Variants in DCST1 observed in about 807,000 individuals in gnomAD.
DCST1 encodes the protein E3 ubiquitin-protein ligase DCST1.
DCST1 carries 78 observed loss-of-function variants against 89.1 expected under a neutral mutation model. The ratio of observed to expected loss-of-function variants is 0.88; its 90% CI spans 0.73 to 1.06. The LOEUF (loss-of-function observed/expected upper bound fraction) is 1.06. Among genes scored for constraint, DCST1 ranks in the 50% least tolerant of loss-of-function variants. The probability of loss-of-function intolerance (pLI) is 0.00; values close to 1 mark genes in which losing one functional copy is unlikely to be tolerated. For synonymous variants in DCST1, 364 were observed against 371.9 expected (o/e 0.98, Z 0.24); for missense variants, 900 against 928.6 (o/e 0.97, Z 0.40).
At chr1:155,050,309 A>G (rs1444381631) in intron 16 of DCST1, among the ~76,000 whole-genome samples, 1 of 152,250 alleles carries the variant, frequency 6.6e-6, no homozygotes, top group Non-Finnish European at 1.5e-5. Context: ...CAACAGTGAT[A>G]GTCGATCTGG....
intron 16 of DCST1, among the ~76,000 whole-genome samples, chr1:155,049,417 AT>A (rs35719405): frequency 0.09 from 13,214 of 146,166 alleles, 743 homozygotes; most frequent in Non-Finnish European, 0.13. Context: ...ATTGAATTGA[AT>A]TTTTTTTTTT....
chr1:155,047,098 C>G, intron 13 of DCST1, 98 bp from the exon 14 acceptor site: 4 of 950,064 alleles, frequency 4.2e-6, no homozygotes, highest in Non-Finnish European at 6.9e-6. Flanking sequence ...AGCTGAGAAG[C>G]ATTTCTGTGT....
Position 155,046,375 on chromosome 1 carries a change from G to A in DCST1, c.1384G>A (p.Glu462Lys), listed in dbSNP as rs758409544. 1.2e-6 allele frequency: 2 copies of A among 1,614,100 alleles called. No homozygotes were observed. Among genetic ancestry groups the A allele is most frequent in the South Asian group, 2.2e-5 (2 of 91,084 alleles). ...EMSNVVRELL[E>K]TLPILLLLVV... The stretch of plus-strand genomic sequence containing the variant: ...CCTTGGCCAGGTGAGGGAGCTCCTG[G>A]AGACACTGCCCATTCTGCTGCTGCT... Residue 462 changes from glutamate to lysine, a missense_variant, in exon 13 of 17, where the codon GAG becomes AAG. Glu to Lys is a moderately conservative substitution (Grantham distance 56, BLOSUM62 1). Transcript: ENST00000295542.
At chr1:155,042,059 C>G (rs1660455247) in intron 8 of DCST1, among the ~76,000 whole-genome samples, 1 of 152,188 alleles carries the variant, frequency 6.6e-6, no homozygotes, top group Admixed American at 6.5e-5. Flanking sequence ...GGCTTTTCAT[C>G]TGAAAGATGC....
At chr1:155,048,455 C>T (rs560675398) in intron 16 of DCST1, among the ~76,000 whole-genome samples, 3 of 152,328 alleles carry the variant, frequency 2.0e-5, no homozygotes, top group South Asian at 2.1e-4. Context: ...CACGCCATCA[C>T]GCCCAGCTAT....
At chr1:155,042,984 A>C in intron 9 of DCST1, 128 bp downstream of exon 9, 100 of 631,412 alleles carry the variant, frequency 1.6e-4, no homozygotes, top group Middle Eastern at 4.6e-4. Context: ...AGGGAGGGGG[A>C]CAAGGAGGGG....
intron 16 of DCST1, among the ~76,000 whole-genome samples, chr1:155,049,961 A>C (rs1016003397): frequency 2.0e-5 from 3 of 152,218 alleles, no homozygotes; most frequent in Non-Finnish European, 4.4e-5. Flanking sequence ...ACTGGCTCAG[A>C]AGAGACAGCT....
At chr1:155,038,750 G>A (rs1660344169) in intron 4 of DCST1, among the ~76,000 whole-genome samples, 1 of 151,878 alleles carries the variant, frequency 6.6e-6, no homozygotes, top group African/African-American at 2.4e-5. Context: ...CTCCCTCCTT[G>A]GCTCCCACAG....
In DCST1 at chr1:155,046,425, G is replaced by C; in HGVS notation, c.1434G>C (p.Trp478Cys). ...TGGTGGTGCTGTGTGGCTTGGACTG[G>C]GCTCTCTACTCCATCTTCGACACCA... ...LLLVVLCGLD[W>C]ALYSIFDTIR... The change falls in exon 13 of 17, where the codon TGG becomes TGC. Residue 478 changes from tryptophan to cysteine, a missense_variant. By Grantham distance (215) the Trp-to-Cys change is radical. Coordinates refer to ENST00000295542, the MANE Select transcript of DCST1 (RefSeq NM_152494.4). 1 of 1,613,826 alleles carries C rather than the reference G, an allele frequency of 6.2e-7. No individual in the cohort carries two copies. The highest frequency in any genetic ancestry group is 1.3e-5 in the African/African-American group (1 of 74,860).
intron 16 of DCST1, 179 bp from the exon 17 acceptor site, chr1:155,050,438 T>C (rs1011037061): frequency 1.1e-5 from 8 of 741,082 alleles, no homozygotes; most frequent in Middle Eastern, 3.9e-4. Flanking sequence ...CCTCCCATTC[T>C]CCATCACAGA....
chr1:155,040,078 G>A (rs565567368), intron 5 of DCST1, among the ~76,000 whole-genome samples: 19 of 149,594 alleles, frequency 1.3e-4, no homozygotes, highest in Non-Finnish European at 2.1e-4. Context: ...CGAAGCGGGC[G>A]GATCACGAAG....
At chr1:155,048,206 G>T (rs762650087) in intron 16 of DCST1, 36 bp downstream of exon 16, 1 of 1,584,600 alleles carries the variant, frequency 6.3e-7, no homozygotes, top group Non-Finnish European at 8.6e-7. Flanking sequence ...CCAGCTCCTG[G>T]CTGGGTCTAA....
At position 155,041,757 on chromosome 1, in the gene DCST1, C is replaced by T; in HGVS notation, c.792C>T (p.Asp264=). Residue 264 remains aspartate, a synonymous_variant, in exon 8 of 17, where the codon GAC becomes GAT. Transcript: ENST00000295542. ...TACTCAGCTGCCGTCGTTGGTTTGA[C>T]CGCAAGCATGAACAGTGCATGAAGC... ...QAILSCRRWF[D]RKHEQCMKHI... The T allele has an allele frequency of 6.2e-7, 1 of 1,614,230 alleles. No homozygotes were observed. Among genetic ancestry groups the T allele is most frequent in the Non-Finnish European group, 8.5e-7 (1 of 1,180,042 alleles).
chr1:155,045,115 T>C (rs922961661), intron 10 of DCST1: 1 of 152,262 alleles, frequency 6.6e-6, no homozygotes, highest in African/African-American at 2.4e-5. Context: ...CAGTATGTCT[T>C]TGCACTTACA....
chr1:155,049,032 C>A (rs1219826406), intron 16 of DCST1: 1 of 717,276 alleles, frequency 1.4e-6, no homozygotes, highest in Non-Finnish European at 2.6e-6. Context: ...TGAAGAATGG[C>A]AAGACTGGAG....
chr1:155,047,968 GCACACACA>G (rs111941107), intron 15 of DCST1, 39 bp downstream of exon 15: 74 of 1,550,558 alleles, frequency 4.8e-5, no homozygotes, highest in Non-Finnish European at 6.2e-5. Flanking sequence ...CTACACACCT[GCACACACA>G]CACACACACC....
rs1571561976 is a variant in DCST1 at position 155,040,734 on chromosome 1, TGGC to T, written c.531+111_531+113del. ...TACAGTTTCCCAATGGGGATACTACTGGCATTTTTTGCAGAACTATTCCCAAAC... is the reference window on the plus strand; with the variant it reads ...TACAGTTTCCCAATGGGGATACTACTATTTTTTGCAGAACTATTCCCAAAC... On this transcript the variant is annotated intron_variant, in intron 6 of 16. Coordinates refer to ENST00000295542, the MANE Select transcript of DCST1 (RefSeq NM_152494.4). The T allele has an allele frequency of 1.8e-5, 25 of 1,423,292 alleles. No homozygotes were observed. The East Asian group carries it at 6.1e-4, about 34-fold the overall frequency. 88.2% of individuals were successfully genotyped at this position (1,423,292 alleles called of 1,614,324 possible).
chr1:155,049,926 A>C (rs1660832359), intron 16 of DCST1, among the ~76,000 whole-genome samples: 1 of 152,256 alleles, frequency 6.6e-6, no homozygotes, highest in Non-Finnish European at 1.5e-5. Flanking sequence ...GGGAATGCGA[A>C]GTGCCAGGGC....
At chr1:155,040,960 T>C (rs1268251586) in intron 6 of DCST1, among the ~76,000 whole-genome samples, 2 of 151,782 alleles carry the variant, frequency 1.3e-5, no homozygotes, top group East Asian at 3.9e-4. Flanking sequence ...AATTGGGTAT[T>C]GGAAGGCTGG....
Sources: gnomAD v4.1 joint callset for allele counts (sites outside exome capture counted in the v4.1 genomes callset) on GRCh38, gnomAD v4.1.1 for gene constraint, MANE v1.5 for transcripts, NCBI Gene and HGNC (gene_info 2026-07-23, HGNC 2026-07-21) for gene names.